YWHAB: variants seen among roughly 807,000 people sequenced by gnomAD.
The protein encoded by YWHAB is 14-3-3 protein beta/alpha.
A neutral mutation model predicts 28.5 loss-of-function variants in YWHAB; 2 were observed. The ratio of observed to expected loss-of-function variants is 0.07; its 90% CI spans 0.03 to 0.22. The LOEUF is 0.22. Among genes scored for constraint, YWHAB ranks in the 10% least tolerant of loss-of-function variants. The pLI is 1.00. For synonymous variants in YWHAB, 103 were observed against 104.7 expected (o/e 0.98, Z 0.10); for missense variants, 148 against 297.1 (o/e 0.50, Z 3.69).
intron 1 of YWHAB, among the ~76,000 whole-genome samples, chr20:44,889,809 T>G (rs1247899729): frequency 1.3e-5 from 2 of 152,232 alleles, no homozygotes; most frequent in African/African-American, 4.8e-5. Flanking sequence ...CAACCTTGTA[T>G]AGTTCTTTTA....
chr20:44,893,529 T>C (rs1194108616), intron 1 of YWHAB, among the ~76,000 whole-genome samples: 1 of 152,164 alleles, frequency 6.6e-6, no homozygotes, highest in Non-Finnish European at 1.5e-5. Flanking sequence ...GTAACCTTTC[T>C]GTTCGGGTTT....
intron 1 of YWHAB, among the ~76,000 whole-genome samples, chr20:44,895,691 C>T (rs1013494083): frequency 6.6e-6 from 1 of 152,178 alleles, no homozygotes; most frequent in Non-Finnish European, 1.5e-5. Flanking sequence ...TGGTCTTGAA[C>T]TCCTGGTCTC....
chr20:44,895,124 A>G (rs922413076), intron 1 of YWHAB, among the ~76,000 whole-genome samples: 1 of 152,214 alleles, frequency 6.6e-6, no homozygotes, highest in African/African-American at 2.4e-5. Flanking sequence ...TAGGCAAGGT[A>G]AATCAGTGAG....
At chr20:44,890,615 A>C (rs1028385150) in intron 1 of YWHAB, among the ~76,000 whole-genome samples, 2 of 150,928 alleles carry the variant, frequency 1.3e-5, no homozygotes, top group African/African-American at 4.9e-5. Context: ...GGTTCAAGCA[A>C]TTCTCCTGCC....
At chr20:44,903,010 C>T (rs1036989343) in intron 2 of YWHAB, 1 of 977,612 alleles carries the variant, frequency 1.0e-6, no homozygotes, top group African/African-American at 1.8e-5. Flanking sequence ...TGAAGAAGAG[C>T]TTGGTACTTA....
At chr20:44,903,910 G>C in intron 2 of YWHAB, 83 bp from the exon 3 acceptor site, 1 of 1,459,726 alleles carries the variant, frequency 6.9e-7, no homozygotes, top group Non-Finnish European at 9.2e-7. Context: ...TTATTTAGAA[G>C]CAGTAGTGTA....
chr20:44,900,818 C>A (rs540097089), intron 1 of YWHAB, among the ~76,000 whole-genome samples: 59 of 152,118 alleles, frequency 3.9e-4, no homozygotes, highest in Non-Finnish European at 7.8e-4. Context: ...CTCTGTTGCC[C>A]ACGCTGGAGT....
At chr20:44,897,444 G>T (rs568668388) in intron 1 of YWHAB, among the ~76,000 whole-genome samples, 37 of 152,282 alleles carry the variant, frequency 2.4e-4, no homozygotes, top group African/African-American at 7.9e-4. Flanking sequence ...TTTTCTGAAG[G>T]TTGTTGGGTC....
At position 44,905,990 on chromosome 20, in the gene YWHAB, C is replaced by G; in HGVS notation, c.589-11C>G. On this transcript the variant is annotated splice_polypyrimidine_tract_variant and intron_variant, in intron 4 of 5. Coordinates refer to ENST00000353703, the MANE Select transcript of YWHAB (RefSeq NM_139323.4). ...ACTTGTGAATTCTTTGCTAAAGGCT[C>G]TTTGTTTTAGGCATTTGATGAAGCA... 1 of 1,609,296 alleles carries G rather than the reference C, an allele frequency of 6.2e-7. No homozygotes were observed. Among genetic ancestry groups the G allele is most frequent in the Non-Finnish European group, 8.5e-7 (1 of 1,177,296 alleles).
intron 1 of YWHAB, among the ~76,000 whole-genome samples, chr20:44,888,475 G>A (rs1162597057): frequency 1.3e-5 from 2 of 152,228 alleles, no homozygotes; most frequent in African/African-American, 4.8e-5. Flanking sequence ...CGCAAGGTAA[G>A]TGCCAGAACC....
intron 1 of YWHAB, among the ~76,000 whole-genome samples, chr20:44,894,985 A>C (rs2066587573): frequency 6.6e-6 from 1 of 152,274 alleles, no homozygotes; most frequent in Non-Finnish European, 1.5e-5. Context: ...ATTAAATGTG[A>C]AACAAACATG....
At chr20:44,901,239 C>G (rs909424347) in intron 1 of YWHAB, among the ~76,000 whole-genome samples, 9 of 152,178 alleles carry the variant, frequency 5.9e-5, no homozygotes, top group Non-Finnish European at 1.2e-4. Context: ...TATCACTTGC[C>G]TTCCCTGACC....
At chr20:44,894,291 G>C (rs2066582337) in intron 1 of YWHAB, among the ~76,000 whole-genome samples, 1 of 152,190 alleles carries the variant, frequency 6.6e-6, no homozygotes. Flanking sequence ...CCAGTATCTT[G>C]ATGCTTCTGC....
chr20:44,898,313 G>C (rs1440412399), intron 1 of YWHAB, among the ~76,000 whole-genome samples: 1 of 152,158 alleles, frequency 6.6e-6, no homozygotes, highest in African/African-American at 2.4e-5. Flanking sequence ...ATAATAAGCA[G>C]TAGGAAGAAA....
intron 1 of YWHAB, 27 bp from the exon 2 acceptor site, chr20:44,901,504 T>G (rs750846157): frequency 6.4e-5 from 100 of 1,552,738 alleles, no homozygotes; most frequent in Non-Finnish European, 8.3e-5. Flanking sequence ...ACATTTGCTC[T>G]TTCTTTTTCT....
At chr20:44,903,268 A>G (rs2066637716) in intron 2 of YWHAB, 1 of 189,230 alleles carries the variant, frequency 5.3e-6, no homozygotes, top group Non-Finnish European at 1.0e-5. Flanking sequence ...TATACCCTAG[A>G]AGATGACCCT....
intron 1 of YWHAB, among the ~76,000 whole-genome samples, chr20:44,899,569 G>C (rs996457960): frequency 1.1e-4 from 16 of 152,176 alleles, no homozygotes; most frequent in Non-Finnish European, 1.0e-4. Flanking sequence ...GGATATTAGT[G>C]TATTTTTATA....
chr20:44,888,274 TCAGA>T (rs2066539728), intron 1 of YWHAB, among the ~76,000 whole-genome samples: 3 of 152,256 alleles, frequency 2.0e-5, no homozygotes, highest in South Asian at 2.1e-4. Context: ...TGAGGTGGTA[TCAGA>T]CAATTAGTCT....
At chr20:44,895,039 A>G (rs1444202815) in intron 1 of YWHAB, among the ~76,000 whole-genome samples, 1 of 152,274 alleles carries the variant, frequency 6.6e-6, no homozygotes, top group African/African-American at 2.4e-5. Context: ...TAAGTGGTAC[A>G]GTACTCATCT....
Sources: allele counts gnomAD v4.1 joint callset (sites outside exome capture counted in the v4.1 genomes callset), GRCh38; gene constraint gnomAD v4.1.1; transcripts MANE v1.5; gene names NCBI Gene and HGNC (gene_info 2026-07-23, HGNC 2026-07-21).